The following GRID2 variants were observed in gnomAD, a reference collection of about 807,000 sequenced individuals.
GRID2 encodes the protein glutamate ionotropic receptor delta type subunit 2, also known as glutamate receptor ionotropic, delta-2.
In GRID2, 33 loss-of-function variants were observed where a neutral mutation model predicts 114.8. That is an observed-to-expected ratio of 0.29 (90% CI 0.22 to 0.38). GRID2 has a LOEUF of 0.38. Among genes scored for constraint, GRID2 ranks in the 10% least tolerant of loss-of-function variants. The pLI, the probability that GRID2 is intolerant of heterozygous loss-of-function variation, is 1.00. For missense variants in GRID2, 1,184 were observed against 1,257.7 expected (o/e 0.94, Z 0.89); for synonymous variants, 505 against 449.9 (o/e 1.12, Z -1.55).
chr4:93,785,411 C>T (rs573738545), intron 1 of GRID2, among the ~76,000 whole-genome samples: 1 of 152,230 alleles, frequency 6.6e-6, no homozygotes, highest in African/African-American at 2.4e-5. Context: ...CAAGTTAGAA[C>T]TGAGGGAGTA....
chr4:92,369,595 A>G (rs1342706395), intron 1 of GRID2, among the ~76,000 whole-genome samples: 1 of 152,160 alleles, frequency 6.6e-6, no homozygotes, highest in Non-Finnish European at 1.5e-5. Context: ...TATCACTACC[A>G]ACACACTTCA....
chr4:92,950,009 T>C (rs1288963250), intron 2 of GRID2, among the ~76,000 whole-genome samples: 2 of 152,106 alleles, frequency 1.3e-5, no homozygotes, highest in African/African-American at 4.8e-5. Context: ...GCAAAAGAAA[T>C]ACCTATTTTT....
At chr4:93,604,466 T>C (rs1297412635) in intron 13 of GRID2, among the ~76,000 whole-genome samples, 2 of 152,194 alleles carry the variant, frequency 1.3e-5, no homozygotes, top group Non-Finnish European at 2.9e-5. Context: ...CTACTCTTGG[T>C]GAAGATGTTA....
chr4:93,636,001 T>C (rs759198184), intron 14 of GRID2, among the ~76,000 whole-genome samples: 3 of 152,154 alleles, frequency 2.0e-5, no homozygotes, highest in Middle Eastern at 3.2e-3. Context: ...CCCCATGGGG[T>C]AGATTTTTAA....
At chr4:93,571,058 G>A (rs1005033741) in intron 13 of GRID2, among the ~76,000 whole-genome samples, 2 of 152,090 alleles carry the variant, frequency 1.3e-5, no homozygotes, top group Admixed American at 6.6e-5. Flanking sequence ...ATATTATTTT[G>A]TCTGGGATGT....
At chr4:93,294,035 CATT>C (rs1006353675) in intron 8 of GRID2, among the ~76,000 whole-genome samples, 31 of 152,234 alleles carry the variant, frequency 2.0e-4, no homozygotes, top group African/African-American at 7.0e-4. Context: ...AAGGGAAAGT[CATT>C]ATAATTTTGA....
intron 13 of GRID2, among the ~76,000 whole-genome samples, chr4:93,534,818 C>G (rs974304824): frequency 6.7e-6 from 1 of 150,194 alleles, no homozygotes; most frequent in South Asian, 2.1e-4. Context: ...ACCAAGCTAA[C>G]TAACACACCC....
chr4:92,983,522 AT>A (rs1457117895), intron 2 of GRID2, among the ~76,000 whole-genome samples: 2 of 151,932 alleles, frequency 1.3e-5, no homozygotes, highest in African/African-American at 4.8e-5. Flanking sequence ...GACATATCTC[AT>A]TTTTTTGTCT....
intron 2 of GRID2, among the ~76,000 whole-genome samples, chr4:93,037,256 C>T (rs1395973216): frequency 1.3e-5 from 2 of 152,124 alleles, no homozygotes; most frequent in East Asian, 3.8e-4. Flanking sequence ...GAGCTAGTTA[C>T]TTCTTGAGGA....
intron 1 of GRID2, among the ~76,000 whole-genome samples, chr4:92,375,503 T>C (rs1382850303): frequency 6.6e-6 from 1 of 152,146 alleles, no homozygotes; most frequent in Non-Finnish European, 1.5e-5. Flanking sequence ...AAAAGAGAGG[T>C]TACTGATTAA....
intron 1 of GRID2, among the ~76,000 whole-genome samples, chr4:92,439,227 C>T (rs1439372158): frequency 6.6e-6 from 1 of 152,024 alleles, no homozygotes; most frequent in African/African-American, 2.4e-5. Flanking sequence ...AAGGTAATGT[C>T]ATCACTTAAG....
At chr4:93,594,942 C>T (rs929688312) in intron 13 of GRID2, among the ~76,000 whole-genome samples, 2 of 152,216 alleles carry the variant, frequency 1.3e-5, no homozygotes, top group Non-Finnish European at 2.9e-5. Context: ...CACTGACCTG[C>T]ACCCACTGTC....
At chr4:92,557,185 A>G (rs1284554519) in intron 1 of GRID2, among the ~76,000 whole-genome samples, 1 of 152,096 alleles carries the variant, frequency 6.6e-6, no homozygotes, top group Non-Finnish European at 1.5e-5. Flanking sequence ...ACAAAATTAT[A>G]TATAGCTTTT....
chr4:93,111,161 T>C (rs577223136), intron 4 of GRID2, among the ~76,000 whole-genome samples: 213 of 152,328 alleles, frequency 1.4e-3, no homozygotes, highest in African/African-American at 4.7e-3. Context: ...TTTGTGTTTA[T>C]ATATATTTAG....
Position 93,663,652 on chromosome 4 carries a change from G to T in GRID2, c.2360+37217G>T, listed in dbSNP as rs187785479. On this transcript the variant is annotated intron_variant, in intron 14 of 15. Transcript: ENST00000282020. ...GCTTCATGAAGGAAGGAGCATTTAC[G>T]TAAACCTCAGTCTATGGGCCAGATA... Among the ~76,000 whole-genome samples, 575 of 152,244 alleles carry T rather than the reference G, an allele frequency of 3.8e-3. 1 individual carries two copies. Among genetic ancestry groups the T allele is most frequent in the Non-Finnish European group, 6.3e-3 (426 of 68,010 alleles).
In GRID2 at chr4:92,497,448, G is replaced by T. The variant is rs555874339; in HGVS notation, c.89-92683G>T. Among the ~76,000 whole-genome samples the T allele has an allele frequency of 8.0e-4, 121 of 151,738 alleles. No homozygotes were observed. The Middle Eastern group carries it at 0.01, about 13-fold the overall frequency. ...CAACACCAGCCTTAACTACCTGAAA[G>T]CATTACTATTTTAAAAATTAAAAAA... On this transcript the variant is annotated intron_variant, in intron 1 of 15. Coordinates refer to ENST00000282020, the MANE Select transcript of GRID2 (RefSeq NM_001510.4).
At chr4:93,062,087 A>G (rs1410838919) in intron 2 of GRID2, among the ~76,000 whole-genome samples, 1 of 152,152 alleles carries the variant, frequency 6.6e-6, no homozygotes, top group East Asian at 1.9e-4. Context: ...TGAGGCAGTT[A>G]CAGACTTGCT....
At chr4:92,499,348 G>T (rs1168288932) in intron 1 of GRID2, among the ~76,000 whole-genome samples, 3 of 151,994 alleles carry the variant, frequency 2.0e-5, no homozygotes, top group African/African-American at 7.2e-5. Context: ...TTAGAATGTT[G>T]TTATTTCCTT....
chr4:92,574,079 T>A lies in GRID2; in HGVS notation c.89-16052T>A, dbSNP rs561659933. On this transcript the variant is annotated intron_variant, in intron 1 of 15. Coordinates refer to ENST00000282020, the MANE Select transcript of GRID2 (RefSeq NM_001510.4). ...AGGTAATCCCCTTCTTTGTCTTTTGTTCTTTGTTGGTTTAAAGTCTGTTTT... is the reference window on the plus strand; with the variant it reads ...AGGTAATCCCCTTCTTTGTCTTTTGATCTTTGTTGGTTTAAAGTCTGTTTT... Among the ~76,000 whole-genome samples the A allele has an allele frequency of 1.2e-4, 18 of 152,156 alleles. 1 individual carries two copies. The South Asian group carries it at 3.3e-3, about 28-fold the overall frequency.
Sources: gnomAD v4.1 joint callset for allele counts (sites outside exome capture counted in the v4.1 genomes callset) on GRCh38, gnomAD v4.1.1 for gene constraint, MANE v1.5 for transcripts, NCBI Gene and HGNC (gene_info 2026-07-23, HGNC 2026-07-21) for gene names.